SH3BGRL: variants seen among roughly 807,000 people sequenced by gnomAD.
SH3BGRL encodes adapter SH3BGRL.
Under a neutral mutation model 9.8 loss-of-function variants are expected in SH3BGRL, and 7 were observed. The ratio of observed to expected loss-of-function variants is 0.72; its 90% CI spans 0.41 to 1.35. The LOEUF is 1.35. SH3BGRL is among the 40% of genes most tolerant of loss of function. The probability of loss-of-function intolerance (pLI) is 0.01; values close to 1 mark genes in which losing one functional copy is unlikely to be tolerated. For missense variants in SH3BGRL, 73 were observed against 84.4 expected (o/e 0.86, Z 0.53); for synonymous variants, 36 against 29.1 (o/e 1.24, Z -0.76).
At chrX:81,290,772 C>T (rs2072069138) in intron 3 of SH3BGRL, among the ~76,000 whole-genome samples, 1 of 110,373 alleles carries the variant, frequency 9.1e-6, no homozygotes, top group African/African-American at 3.3e-5. Flanking sequence ...GTTATGGATA[C>T]CCCGTTTACC....
chrX:81,239,065 C>A (rs1422259645), intron 1 of SH3BGRL, among the ~76,000 whole-genome samples: 1 of 111,949 alleles, frequency 8.9e-6, no homozygotes, highest in Non-Finnish European at 1.9e-5. Flanking sequence ...GAGGTACAAA[C>A]AAGCCCAAAC....
At chrX:81,269,659 T>A (rs1351482714) in intron 1 of SH3BGRL, among the ~76,000 whole-genome samples, 1 of 111,396 alleles carries the variant, frequency 9.0e-6, no homozygotes, top group African/African-American at 3.3e-5. Context: ...ATTTTTTCCT[T>A]CATTTCAACC....
At chrX:81,293,810 G>C (rs2075865792) in intron 3 of SH3BGRL, among the ~76,000 whole-genome samples, 1 of 112,266 alleles carries the variant, frequency 8.9e-6, no homozygotes, top group African/African-American at 3.2e-5. Flanking sequence ...GAATGACTTT[G>C]ACCAAAAGCT....
At chrX:81,251,335 CTT>C (rs970812587) in intron 1 of SH3BGRL, among the ~76,000 whole-genome samples, 1 of 108,642 alleles carries the variant, frequency 9.2e-6, no homozygotes, top group Non-Finnish European at 1.9e-5. Context: ...TAAAGCCACT[CTT>C]TTTTTTTCAT....
At chrX:81,251,535 G>T (rs1375374619) in intron 1 of SH3BGRL, among the ~76,000 whole-genome samples, 1 of 110,708 alleles carries the variant, frequency 9.0e-6, no homozygotes, top group East Asian at 2.8e-4. Flanking sequence ...CCATTTTCTA[G>T]CTGTGTTCTC....
chrX:81,203,772 G>T (rs1235568861), intron 1 of SH3BGRL, among the ~76,000 whole-genome samples: 1 of 111,782 alleles, frequency 8.9e-6, no homozygotes, highest in Non-Finnish European at 1.9e-5. Context: ...ACTGCTTTCA[G>T]AATTTCTATT....
At chrX:81,248,103 A>G (rs1169028094) in intron 1 of SH3BGRL, among the ~76,000 whole-genome samples, 1 of 110,993 alleles carries the variant, frequency 9.0e-6, no homozygotes, top group Non-Finnish European at 1.9e-5. Context: ...AGAAGTGTTC[A>G]TAATGGTTCC....
chrX:81,211,791 T>G (rs1412528398), intron 1 of SH3BGRL, among the ~76,000 whole-genome samples: 1 of 111,257 alleles, frequency 9.0e-6, no homozygotes, highest in Non-Finnish European at 1.9e-5. Flanking sequence ...GTTTTGGGAC[T>G]TGGACTGGCT....
intron 1 of SH3BGRL, among the ~76,000 whole-genome samples, chrX:81,248,641 C>T (rs1242150758): frequency 5.3e-5 from 6 of 112,446 alleles, no homozygotes; most frequent in African/African-American, 6.5e-5. Context: ...AAAATGCCTG[C>T]GTGGTTGTGC....
chrX:81,211,814 C>T, intron 1 of SH3BGRL, among the ~76,000 whole-genome samples: 1 of 111,135 alleles, frequency 9.0e-6, no homozygotes, highest in Non-Finnish European at 1.9e-5. Context: ...CCTTGATCCT[C>T]AGCTTGCAGA....
chrX:81,297,225 T>C lies in SH3BGRL; in HGVS notation c.343T>C (p.Ter115ArgextTer7). 1 of 1,205,076 alleles carries C rather than the reference T, an allele frequency of 8.3e-7. No homozygotes were observed. Among genetic ancestry groups the C allele is most frequent in the Middle Eastern group, 2.3e-4 (1 of 4,298 alleles). The change falls in exon 4 of 4, where the codon TGA becomes CGA. Residue 115 changes from the stop codon to arginine (R), a stop_lost. Transcript: ENST00000373212. ...EAEVQAKQQA[*>R] ...AGAAGTGCAAGCAAAGCAGCAAGCA[T>C]GAACCTTAAGCACTGTGCTTTAAGC...
intron 1 of SH3BGRL, chrX:81,237,403 A>G (rs764105983): frequency 8.2e-5 from 23 of 280,337 alleles, no homozygotes; most frequent in Admixed American, 5.3e-4. Context: ...CAGCAGTTGC[A>G]TGGTGCAGAG....
At chrX:81,276,320 T>C (rs2075798311) in intron 1 of SH3BGRL, among the ~76,000 whole-genome samples, 1 of 109,115 alleles carries the variant, frequency 9.2e-6, no homozygotes, top group Non-Finnish European at 1.9e-5. Context: ...GTTTTTGCTA[T>C]TGAAGGTAAT....
intron 1 of SH3BGRL, among the ~76,000 whole-genome samples, chrX:81,204,146 T>A (rs1602589324): frequency 8.9e-6 from 1 of 112,373 alleles, no homozygotes; most frequent in Non-Finnish European, 1.9e-5. Context: ...GTATTTTATT[T>A]CAATTTTTTG....
chrX:81,216,955 A>G (rs956038899), intron 1 of SH3BGRL, among the ~76,000 whole-genome samples: 2 of 110,210 alleles, frequency 1.8e-5, no homozygotes, highest in African/African-American at 6.6e-5. Context: ...ATATGTACCC[A>G]GCAGTAGGGT....
chrX:81,259,905 A>G (rs1243052733), intron 1 of SH3BGRL, among the ~76,000 whole-genome samples: 1 of 111,830 alleles, frequency 8.9e-6, no homozygotes, highest in East Asian at 2.8e-4. Context: ...ATTGTAATTC[A>G]TATGAATCAT....
chrX:81,284,704 G>A (rs777355295), intron 3 of SH3BGRL, among the ~76,000 whole-genome samples: 12 of 111,149 alleles, frequency 1.1e-4, no homozygotes, highest in South Asian at 3.7e-4. Context: ...AAACTTATCC[G>A]CAAGGAGTGA....
intron 1 of SH3BGRL, among the ~76,000 whole-genome samples, chrX:81,267,963 A>C (rs1312547772): frequency 9.0e-6 from 1 of 111,442 alleles, no homozygotes; most frequent in Non-Finnish European, 1.9e-5. Context: ...TGGGTCCAAG[A>C]ATTTGTCCAT....
chrX:81,291,085 T>G (rs1451329623), intron 3 of SH3BGRL, among the ~76,000 whole-genome samples: 2 of 112,032 alleles, frequency 1.8e-5, no homozygotes, highest in African/African-American at 6.5e-5. Context: ...AGATGCATAC[T>G]GTGACTTTAA....
Sources: allele counts gnomAD v4.1 joint callset (sites outside exome capture counted in the v4.1 genomes callset), GRCh38; gene constraint gnomAD v4.1.1; transcripts MANE v1.5; gene names NCBI Gene and HGNC (gene_info 2026-07-23, HGNC 2026-07-21).